AVEN: variants seen among roughly 807,000 people sequenced by gnomAD.
AVEN encodes apoptosis and caspase activation inhibitor.
Under a neutral mutation model 38.1 loss-of-function variants are expected in AVEN, and 41 were observed. The observed-to-expected ratio is 1.08, with a 90% CI of 0.84 to 1.40. The LOEUF (loss-of-function observed/expected upper bound fraction) is 1.40. Ranked by LOEUF, AVEN falls within the 40% of genes most tolerant of loss-of-function variation. The pLI is 0.00. For synonymous variants in AVEN, 206 were observed against 171.8 expected, an observed-to-expected ratio of 1.20 and a Z score of -1.56; for missense variants, 605 against 438.8, an observed-to-expected ratio of 1.38 and a Z score of -3.38.
intron 2 of AVEN, among the ~76,000 whole-genome samples, chr15:33,880,444 G>C (rs1166657495): frequency 2.6e-5 from 4 of 152,174 alleles, no homozygotes; most frequent in Admixed American, 2.6e-4. Flanking sequence ...CTAGAGTTCA[G>C]GGCCAATGGA....
chr15:34,017,489 T>G (rs1228649582), intron 1 of AVEN, among the ~76,000 whole-genome samples: 1 of 80,168 alleles, frequency 1.2e-5, no homozygotes, highest in African/African-American at 2.8e-5. Flanking sequence ...TTTTTGTTTT[T>G]TTTTTTTTTT....
chr15:33,904,106 T>A (rs1189064025), intron 2 of AVEN, among the ~76,000 whole-genome samples: 1 of 152,244 alleles, frequency 6.6e-6, no homozygotes, highest in Non-Finnish European at 1.5e-5. Flanking sequence ...AGTGCATGAC[T>A]GTATATGCAT....
At position 34,060,206 on chromosome 15, in the gene AVEN, C is replaced by T. The variant is rs143450942; in HGVS notation, n.1637+2716G>A. On this transcript the variant is annotated intron_variant and non_coding_transcript_variant, in intron 5 of 11. Transcript: ENST00000675287. ...ACAACTTGAAGAATGTTGATAACAC[C>T]GAGGTATTATAGGTATAAGCTGACA... Among the ~76,000 whole-genome samples, 445 of 152,140 alleles carry T rather than the reference C, an allele frequency of 2.9e-3. 2 individuals carry two copies. The highest frequency in any genetic ancestry group is 0.01 in the African/African-American group (428 of 41,502).
chr15:33,857,941 G>A (rs11857948), downstream of AVEN: 13 of 1,439,810 alleles, frequency 9.0e-6, no homozygotes, highest in Admixed American at 2.3e-4. Flanking sequence ...TGCGGGGCCA[G>A]CCCACCCACT....
chr15:33,921,476 G>T (rs1280426164), intron 2 of AVEN, among the ~76,000 whole-genome samples: 2 of 152,164 alleles, frequency 1.3e-5, no homozygotes, highest in Admixed American at 1.3e-4. Context: ...CTTAGGAAAA[G>T]TCAAAGAAAT....
At chr15:33,983,551 G>A (rs1896284975) in intron 2 of AVEN, among the ~76,000 whole-genome samples, 1 of 152,074 alleles carries the variant, frequency 6.6e-6, no homozygotes, top group Non-Finnish European at 1.5e-5. Flanking sequence ...TGGCTTCAGA[G>A]AGAACTAGTT....
chr15:33,934,464 A>G (rs1029502064), intron 2 of AVEN, among the ~76,000 whole-genome samples: 2 of 152,248 alleles, frequency 1.3e-5, no homozygotes, highest in Non-Finnish European at 2.9e-5. Context: ...ACAAAGTGTT[A>G]TCTATTTCCA....
In AVEN at chr15:33,953,644, T is replaced by C. The variant is rs1368364918; in HGVS notation, c.445+49388A>G. 3.3e-5 allele frequency among the ~76,000 whole-genome samples: 5 copies of C among 152,334 alleles called. No homozygotes were observed. The South Asian group carries it at 8.3e-4, about 25-fold the overall frequency. ...ACTTTATACAAAAATTATTTCAAGATGGATTAAAGACTTAAATGTTAGACC... is the reference window on the plus strand; with the variant it reads ...ACTTTATACAAAAATTATTTCAAGACGGATTAAAGACTTAAATGTTAGACC... On this transcript the variant is annotated intron_variant, in intron 2 of 5. Transcript: ENST00000306730.
intron 2 of AVEN, among the ~76,000 whole-genome samples, chr15:33,881,967 G>C (rs575376203): frequency 6.6e-6 from 1 of 152,308 alleles, no homozygotes; most frequent in South Asian, 2.1e-4. Flanking sequence ...GGAGTCATAA[G>C]ATTCAACAGC....
At chr15:33,996,361 C>A (rs541291927) in intron 2 of AVEN, among the ~76,000 whole-genome samples, 2 of 152,256 alleles carry the variant, frequency 1.3e-5, no homozygotes, top group Non-Finnish European at 2.9e-5. Flanking sequence ...GTTCTGAGAA[C>A]CGACAGACTG....
At chr15:33,853,764 TG>T in the AVEN span, 1 of 1,527,126 alleles carries the variant, frequency 6.5e-7, no homozygotes, top group Non-Finnish European at 8.8e-7. Flanking sequence ...ATCACAACCG[TG>T]TCTTTGTTCT....
chr15:34,067,283 T>C (rs1900536959), intron 2 of AVEN: 1 of 152,230 alleles, frequency 6.6e-6, no homozygotes, highest in African/African-American at 2.4e-5. Context: ...TGAATGTCCT[T>C]TGAAGACAAT....
At chr15:34,066,098 G>A (rs1251745020) in exon 4 of AVEN, 2 of 152,244 alleles carry the variant, frequency 1.3e-5, no homozygotes, top group East Asian at 1.9e-4. Context: ...AAGACTTCAC[G>A]TTGACATGAA....
chr15:33,861,551 C>A (rs796571471), downstream of AVEN, among the ~76,000 whole-genome samples: 1 of 151,524 alleles, frequency 6.6e-6, no homozygotes, highest in Non-Finnish European at 1.5e-5. Context: ...TGCCCTACTT[C>A]TTTTTCCCTT....
chr15:34,047,080 T>TTC (rs974166779), intron 5 of AVEN, among the ~76,000 whole-genome samples: 2 of 151,248 alleles, frequency 1.3e-5, no homozygotes, highest in African/African-American at 2.4e-5. Flanking sequence ...TTGGTTTTTT[T>TTC]TTTTTTCTTT....
rs867128838 is a variant in AVEN, at chr15:34,020,297, C to G, written c.268-17088G>C. ...CTGCACTCTAGCCTGGGTGACCGAG[C>G]GAGACTCCATCTCAAAAAAAAAAGA... is the stretch of plus-strand genomic sequence containing the variant. On this transcript the variant is annotated intron_variant, in intron 1 of 5. Transcript: ENST00000306730. Among the ~76,000 whole-genome samples, 6 of 145,346 alleles carry G rather than the reference C, an allele frequency of 4.1e-5. No individual in the cohort carries two copies. In the South Asian group the frequency reaches 1.3e-3, roughly 33 times the overall value.
intron 1 of AVEN, among the ~76,000 whole-genome samples, chr15:34,020,107 C>G (rs368343260): frequency 6.6e-6 from 1 of 151,986 alleles, no homozygotes; most frequent in African/African-American, 2.4e-5. Context: ...GTCAGGAGAT[C>G]GAGACCATCT....
At chr15:34,012,408 A>T (rs530835095) in intron 1 of AVEN, among the ~76,000 whole-genome samples, 1 of 152,316 alleles carries the variant, frequency 6.6e-6, no homozygotes, top group South Asian at 2.1e-4. Flanking sequence ...TTTCTGGGTG[A>T]TCTTGGTGTG....
Position 34,063,944 on chromosome 15 carries a change from G to A in AVEN, n.1127-512C>T. ...AAATCATGCCCTGCCCCTTCCCAGT[G>A]GCCAAGGAACCTTCAACGAAAGGCC... On this transcript the variant is annotated intron_variant and non_coding_transcript_variant, in intron 4 of 11. Transcript: ENST00000675287. The surrounding 1 kb of genome is among the most constrained non-coding windows in gnomAD (Gnocchi z 4.1). 1 of 1,614,106 alleles carries A rather than the reference G, an allele frequency of 6.2e-7. No homozygotes were observed. The highest frequency in any genetic ancestry group is 8.5e-7 in the Non-Finnish European group (1 of 1,180,028).
Sources: allele counts gnomAD v4.1 joint callset (sites outside exome capture counted in the v4.1 genomes callset), GRCh38; gene constraint gnomAD v4.1.1; non-coding constraint Gnocchi (gnomAD v3.1); transcripts MANE v1.5; gene names NCBI Gene and HGNC (gene_info 2026-07-23, HGNC 2026-07-21).